Variants in CMSS1 observed in about 807,000 individuals in gnomAD.
The protein encoded by CMSS1 is cms1 ribosomal small subunit homolog, also known as protein CMSS1.
Under a neutral mutation model 43.5 loss-of-function variants are expected in CMSS1, and 33 were observed. That is an observed-to-expected ratio of 0.76 (90% CI 0.57 to 1.01). CMSS1 has a LOEUF of 1.01. Among genes scored for constraint, CMSS1 ranks in the 50% least tolerant of loss-of-function variants. CMSS1 has a pLI of 0.00. For missense variants in CMSS1, 313 were observed against 326.4 expected (o/e 0.96, Z 0.32); for synonymous variants, 115 against 117.2 (o/e 0.98, Z 0.12).
intron 1 of CMSS1, among the ~76,000 whole-genome samples, chr3:100,143,010 G>A (rs986522803): frequency 3.3e-5 from 5 of 152,146 alleles, no homozygotes; most frequent in Non-Finnish European, 7.3e-5. Context: ...CAAGGTACAG[G>A]CTACCAACAG....
chr3:100,181,227 C>G lies in CMSS1; in HGVS notation c.*2839C>G, dbSNP rs569115130. 1.4e-4 allele frequency: 21 copies of G among 152,292 alleles called. No homozygotes were observed. In the East Asian group the frequency reaches 4.0e-3, roughly 29 times the overall value. 9.4% of individuals were successfully genotyped at this position (152,292 alleles called of 1,614,324 possible). On this transcript the variant is annotated 3_prime_UTR_variant, in exon 10 of 10. Transcript: ENST00000421999. ...AGCAGGGTAGTGGTAGAAAGAGCAT[C>G]AAGTGAATTTGGCCCTTTGTAAACG...
At chr3:100,135,255 A>G (rs2066741208) in intron 1 of CMSS1, among the ~76,000 whole-genome samples, 1 of 152,198 alleles carries the variant, frequency 6.6e-6, no homozygotes, top group African/African-American at 2.4e-5. Context: ...TTGGGTAGAA[A>G]AGATTGAATT....
At chr3:100,117,854 C>CAT (rs58609128) in intron 1 of CMSS1, among the ~76,000 whole-genome samples, 4,742 of 90,426 alleles carry the variant, frequency 0.052, 134 homozygotes, top group East Asian at 0.062. Flanking sequence ...TATATATATA[C>CAT]ATATATATAT....
At chr3:99,863,270 G>A (rs1001201130) in intron 1 of CMSS1, among the ~76,000 whole-genome samples, 1 of 152,174 alleles carries the variant, frequency 6.6e-6, no homozygotes, top group Admixed American at 6.5e-5. Context: ...TGCTGCTGCT[G>A]ATCTAACAGG....
At chr3:99,992,520 T>G (rs979164875) in intron 1 of CMSS1, among the ~76,000 whole-genome samples, 8 of 152,162 alleles carry the variant, frequency 5.3e-5, no homozygotes, top group African/African-American at 1.9e-4. Flanking sequence ...TATTTGGTTT[T>G]TTTCTTGTTG....
chr3:100,119,721 C>G (rs2066604409), intron 1 of CMSS1, among the ~76,000 whole-genome samples: 1 of 152,218 alleles, frequency 6.6e-6, no homozygotes, highest in Non-Finnish European at 1.5e-5. Context: ...AAGAAAATTA[C>G]ACATATTAAA....
At chr3:99,921,496 G>A (rs1245226934) in intron 1 of CMSS1, among the ~76,000 whole-genome samples, 2 of 152,152 alleles carry the variant, frequency 1.3e-5, no homozygotes, top group Non-Finnish European at 2.9e-5. Flanking sequence ...GGCAAAGCAA[G>A]GGAAGTCACA....
At chr3:100,042,392 T>C (rs2065220079) in intron 1 of CMSS1, among the ~76,000 whole-genome samples, 1 of 152,228 alleles carries the variant, frequency 6.6e-6, no homozygotes, top group Non-Finnish European at 1.5e-5. Context: ...AAATCTGTTA[T>C]CTGATGTTTC....
chr3:99,852,355 G>A (rs1943738309), intron 1 of CMSS1, among the ~76,000 whole-genome samples: 1 of 152,188 alleles, frequency 6.6e-6, no homozygotes, highest in Admixed American at 6.5e-5. Context: ...TATTAGGAAT[G>A]AGTTAATTAT....
intron 1 of CMSS1, among the ~76,000 whole-genome samples, chr3:99,918,555 G>T (rs986088825): frequency 6.6e-6 from 1 of 152,200 alleles, no homozygotes; most frequent in Non-Finnish European, 1.5e-5. Flanking sequence ...AGGTAGCATT[G>T]TCACTCTATC....
intron 1 of CMSS1, among the ~76,000 whole-genome samples, chr3:99,984,060 T>TGTGTGTGTGTGTGTGTGTGTGTGTG (rs1559714079): frequency 2.8e-4 from 7 of 24,974 alleles, no homozygotes; most frequent in Non-Finnish European, 5.1e-4. Flanking sequence ...GTATGTGTGT[T>TGTGTGTGTGTGTGTGTGTGTGTGTG]TGTGTGTGTG....
intron 1 of CMSS1, among the ~76,000 whole-genome samples, chr3:100,084,970 C>T (rs910417089): frequency 6.6e-6 from 1 of 152,228 alleles, no homozygotes; most frequent in Non-Finnish European, 1.5e-5. Flanking sequence ...AACTCATTCT[C>T]TGTCCATGTC....
intron 1 of CMSS1, among the ~76,000 whole-genome samples, chr3:99,964,833 G>A (rs1246617884): frequency 6.6e-6 from 1 of 152,080 alleles, no homozygotes. Context: ...CATCTACTAT[G>A]CTCCCTGTAA....
intron 1 of CMSS1, among the ~76,000 whole-genome samples, chr3:99,919,559 T>C (rs914964333): frequency 6.6e-6 from 1 of 151,890 alleles, no homozygotes; most frequent in Admixed American, 6.6e-5. Flanking sequence ...AATTAACTCA[T>C]TCATGTATGT....
At chr3:99,844,110 T>G (rs962122682) in intron 1 of CMSS1, among the ~76,000 whole-genome samples, 1 of 151,866 alleles carries the variant, frequency 6.6e-6, no homozygotes, top group Non-Finnish European at 1.5e-5. Context: ...GACTGGGAGC[T>G]GTGGCTCACT....
At position 100,062,680 on chromosome 3, in the gene CMSS1, C is replaced by T. The variant is rs140280784; in HGVS notation, c.65-84293C>T. 4.6e-4 allele frequency among the ~76,000 whole-genome samples: 70 copies of T among 152,270 alleles called. 2 individuals carry two copies. In the East Asian group the frequency reaches 4.8e-3, roughly 11 times the overall value. On this transcript the variant is annotated intron_variant, in intron 1 of 9. Transcript: ENST00000421999. ...ATACTAATTTCAAAAATCTCAAAAC[C>T]CTAAAAGAAATTTAAAAGCCCCTAT...
intron 1 of CMSS1, among the ~76,000 whole-genome samples, chr3:100,080,136 T>C (rs1196836739): frequency 1.3e-5 from 2 of 152,046 alleles, no homozygotes; most frequent in Non-Finnish European, 2.9e-5. Flanking sequence ...CTTTAATTAA[T>C]AAAAAATTAA....
chr3:100,171,883 T>C lies in CMSS1; in HGVS notation c.563T>C (p.Phe188Ser), dbSNP rs1185915329. ...GGAGACGGCAAAGTTATAAAATTAT[T>C]TGCAAAGCACATAAAGGTAAGCAAG... ...FRGDGKVIKL[F>S]AKHIKVQAQV... The change falls in exon 7 of 10, where the codon TTT becomes TCT. Residue 188 changes from phenylalanine (F) to serine (S), a missense_variant. By Grantham distance (155) the Phe-to-Ser change is radical (BLOSUM62 -2). Transcript: ENST00000421999. 1 of 1,613,684 alleles carries C rather than the reference T, an allele frequency of 6.2e-7. No individual in the cohort carries two copies. The highest frequency in any genetic ancestry group is 1.7e-5 in the Admixed American group (1 of 59,950).
chr3:99,949,540 A>C (rs1440460318), intron 1 of CMSS1, among the ~76,000 whole-genome samples: 1 of 152,208 alleles, frequency 6.6e-6, no homozygotes, highest in Non-Finnish European at 1.5e-5. Flanking sequence ...AGTTGAAAGA[A>C]GGAAAAACAA....
Sources: gnomAD v4.1 joint callset for allele counts (sites outside exome capture counted in the v4.1 genomes callset) on GRCh38, gnomAD v4.1.1 for gene constraint, MANE v1.5 for transcripts, NCBI Gene and HGNC (gene_info 2026-07-23, HGNC 2026-07-21) for gene names.